The following MRTFB variants were observed in gnomAD, a reference collection of about 807,000 sequenced individuals.
MRTFB encodes the protein myocardin related transcription factor B.
A neutral mutation model predicts 104.2 loss-of-function variants in MRTFB; 29 were observed. The ratio of observed to expected loss-of-function variants is 0.28; its 90% CI spans 0.21 to 0.38. The LOEUF (loss-of-function observed/expected upper bound fraction) is 0.38, where lower values mean the gene tolerates loss of function less well. MRTFB is among the 10% of genes least tolerant of loss of function. The probability of loss-of-function intolerance (pLI) is 1.00; values close to 1 mark genes in which losing one functional copy is unlikely to be tolerated. For missense variants in MRTFB, 1,270 were observed against 1,341.6 expected (o/e 0.95, Z 0.83); for synonymous variants, 535 against 519.5 (o/e 1.03, Z -0.41).
chr16:14,239,826 C>A (rs997671236), intron 9 of MRTFB, among the ~76,000 whole-genome samples: 2 of 152,136 alleles, frequency 1.3e-5, no homozygotes, highest in African/African-American at 4.8e-5. Flanking sequence ...TTTACATATT[C>A]TCCACAGAAT....
Position 14,233,129 on chromosome 16 carries a change from C to G in MRTFB, c.694-1017C>G, listed in dbSNP as rs150260399. Among the ~76,000 whole-genome samples the G allele has an allele frequency of 5.3e-5, 8 of 152,312 alleles. No homozygotes were observed. In the East Asian group the frequency reaches 1.5e-3, roughly 29 times the overall value. The stretch of plus-strand genomic sequence containing the variant: ...AACCTAGTAACGCCTTCTGTAGCTT[C>G]CTTTGTTAATAATATGTGACTCCAA... On this transcript the variant is annotated intron_variant, in intron 8 of 16. Transcript: ENST00000571589.
At chr16:14,172,038 T>C (rs960108099) in intron 3 of MRTFB, among the ~76,000 whole-genome samples, 10 of 152,194 alleles carry the variant, frequency 6.6e-5, no homozygotes, top group African/African-American at 2.2e-4. Context: ...ATTTTATTCA[T>C]TTCTGAGTAC....
At chr16:14,148,849 T>C (rs1401577689) in intron 3 of MRTFB, 4 of 152,442 alleles carry the variant, frequency 2.6e-5, no homozygotes, top group African/African-American at 9.7e-5. Context: ...TTATATCTCA[T>C]TGTCGTGTTT....
intron 8 of MRTFB, among the ~76,000 whole-genome samples, chr16:14,222,752 C>T (rs527742852): frequency 6.6e-6 from 1 of 151,920 alleles, no homozygotes; most frequent in South Asian, 2.1e-4. Context: ...CAAATCAAAA[C>T]CACAATGAGA....
At chr16:14,231,792 G>C (rs895615569) in intron 8 of MRTFB, among the ~76,000 whole-genome samples, 57 of 152,138 alleles carry the variant, frequency 3.7e-4, no homozygotes, top group South Asian at 2.1e-4. Context: ...CCTTGATACG[G>C]TCTAAGTGGG....
intron 2 of MRTFB, among the ~76,000 whole-genome samples, chr16:14,089,542 TG>T (rs955483081): frequency 2.0e-5 from 3 of 152,238 alleles, no homozygotes; most frequent in Non-Finnish European, 4.4e-5. Flanking sequence ...ATGGACATTG[TG>T]GTGGTTTCCA....
At chr16:14,147,578 C>G (rs2038381255) in intron 3 of MRTFB, among the ~76,000 whole-genome samples, 1 of 152,038 alleles carries the variant, frequency 6.6e-6, no homozygotes, top group African/African-American at 2.4e-5. Context: ...CAGAGCACAC[C>G]CATGCAGTGT....
At chr16:14,168,357 T>C (rs1275925926) in intron 3 of MRTFB, among the ~76,000 whole-genome samples, 3 of 152,206 alleles carry the variant, frequency 2.0e-5, no homozygotes, top group Non-Finnish European at 4.4e-5. Context: ...AGAGCATTGC[T>C]ATCACCGCAG....
At chr16:14,254,324 C>T (rs1330679748) in intron 15 of MRTFB, among the ~76,000 whole-genome samples, 5 of 152,308 alleles carry the variant, frequency 3.3e-5, no homozygotes, top group African/African-American at 9.6e-5. Context: ...ACTACCTGAA[C>T]GCATTGAAGA....
intron 14 of MRTFB, 89 bp from the exon 15 acceptor site, chr16:14,252,276 T>C: frequency 6.5e-7 from 1 of 1,530,002 alleles, no homozygotes; most frequent in Non-Finnish European, 8.8e-7. Context: ...ATTTGGCCAC[T>C]ACATAGAGAA....
intron 3 of MRTFB, chr16:14,186,681 T>C: frequency 3.8e-6 from 5 of 1,311,604 alleles, no homozygotes; most frequent in South Asian, 1.8e-5. Flanking sequence ...TGCCTCCCGA[T>C]GTGGGAGAGA....
At chr16:14,204,016 C>T (rs574936213) in intron 3 of MRTFB, among the ~76,000 whole-genome samples, 8 of 152,028 alleles carry the variant, frequency 5.3e-5, no homozygotes, top group South Asian at 2.1e-4. Context: ...GCTTGAGTGC[C>T]GTGGTACAAT....
At chr16:14,024,142 T>C in the MRTFB span, among the ~76,000 whole-genome samples, 1 of 152,170 alleles carries the variant, frequency 6.6e-6, no homozygotes, top group Non-Finnish European at 1.5e-5. Context: ...TGCCGCCTCC[T>C]ATTGGTGTTG....
chr16:14,098,352 A>C (rs2035509785), intron 2 of MRTFB, among the ~76,000 whole-genome samples: 1 of 152,184 alleles, frequency 6.6e-6, no homozygotes, highest in Admixed American at 6.5e-5. Context: ...GCATATTTTC[A>C]TGTACTTATT....
At chr16:14,028,910 G>A in the MRTFB span, among the ~76,000 whole-genome samples, 2 of 152,164 alleles carry the variant, frequency 1.3e-5, no homozygotes, top group Non-Finnish European at 2.9e-5. Context: ...AGTGGAGAAG[G>A]TTGGCCCCAG....
At chr16:14,109,595 T>C (rs1567332751) in intron 2 of MRTFB, among the ~76,000 whole-genome samples, 1 of 152,224 alleles carries the variant, frequency 6.6e-6, no homozygotes. Context: ...AAGTCCGTGG[T>C]ACCTTGTTAA....
At chr16:14,052,262 T>C in the MRTFB span, among the ~76,000 whole-genome samples, 1 of 152,182 alleles carries the variant, frequency 6.6e-6, no homozygotes, top group Non-Finnish European at 1.5e-5. Context: ...TTGAGGATTC[T>C]ATTCTTTTTT....
At chr16:14,111,991 C>G (rs952216227) in intron 2 of MRTFB, among the ~76,000 whole-genome samples, 1 of 152,230 alleles carries the variant, frequency 6.6e-6, no homozygotes, top group Non-Finnish European at 1.5e-5. Flanking sequence ...ACCATCCCCC[C>G]TGATCTCTCA....
intron 3 of MRTFB, among the ~76,000 whole-genome samples, chr16:14,208,871 G>T (rs1476323960): frequency 6.6e-6 from 1 of 152,104 alleles, no homozygotes; most frequent in Admixed American, 6.6e-5. Context: ...CTTTTTTAAA[G>T]AAATTTTATT....
Sources: allele counts gnomAD v4.1 joint callset (sites outside exome capture counted in the v4.1 genomes callset), GRCh38; gene constraint gnomAD v4.1.1; transcripts MANE v1.5; gene names NCBI Gene and HGNC (gene_info 2026-07-23, HGNC 2026-07-21).